USP37: variants seen among roughly 807,000 people sequenced by gnomAD.
USP37 encodes the protein ubiquitin carboxyl-terminal hydrolase 37.
A neutral mutation model predicts 124.0 loss-of-function variants in USP37; 27 were observed. The ratio of observed to expected loss-of-function variants is 0.22; its 90% CI spans 0.16 to 0.30. The LOEUF is 0.30. Among genes scored for constraint, USP37 ranks in the 10% least tolerant of loss-of-function variants. The pLI is 1.00. For missense variants in USP37, 889 were observed against 1,140.4 expected, an observed-to-expected ratio of 0.78 and a Z score of 3.17; for synonymous variants, 365 against 388.0, an observed-to-expected ratio of 0.94 and a Z score of 0.70.
rs1047149641 is a variant in USP37, at chr2:218,454,885, A to T, written c.*45T>A. On this transcript the variant is annotated 3_prime_UTR_variant, in exon 26 of 26. Transcript: ENST00000258399. ...GCAGAGGAAAGGTGAGGTGGGCAGC[A>T]GTAACAAATATGCAGTGCATGCTGC... 2 of 1,599,260 alleles carry T rather than the reference A, an allele frequency of 1.3e-6. No homozygotes were observed. The highest frequency in any genetic ancestry group is 1.7e-6 in the Non-Finnish European group (2 of 1,174,002).
chr2:218,551,993 C>T (rs1208283978), intron 5 of USP37, among the ~76,000 whole-genome samples: 14 of 152,054 alleles, frequency 9.2e-5, no homozygotes, highest in Non-Finnish European at 1.8e-4. Flanking sequence ...GGGGTTTCAC[C>T]GTGTTAGCCA....
In USP37 at chr2:218,474,828, C is replaced by G; in HGVS notation, c.2101G>C (p.Asp701His). The stretch of plus-strand genomic sequence containing the variant: ...AGAAGCTCTTCTTCGCTCATTCTGT[C>G]AAATCCTGAGTTTTCCAATTCAGAC... ...DKSELENSGF[D>H]RMSEEELLAA... Residue 701 changes from aspartate (D) to histidine (H), a missense_variant, in exon 20 of 26, where the codon GAC becomes CAC. Physicochemically the swap from Asp to His is moderately conservative, Grantham distance 81 (BLOSUM62 -1). This residue lies in a region of USP37 where 504 missense variants were observed against 714.3 expected (regional missense o/e 0.71). Transcript: ENST00000258399. 6.2e-7 allele frequency: 1 copy of G among 1,614,070 alleles called. No homozygotes were observed. The highest frequency in any genetic ancestry group is 8.5e-7 in the Non-Finnish European group (1 of 1,180,024).
At chr2:218,495,031 G>T (rs1311246843) in intron 14 of USP37, among the ~76,000 whole-genome samples, 1 of 151,830 alleles carries the variant, frequency 6.6e-6, no homozygotes, top group African/African-American at 2.4e-5. Flanking sequence ...CAATGGAAAA[G>T]ATGTAGAATG....
intron 8 of USP37, among the ~76,000 whole-genome samples, chr2:218,535,504 G>A (rs946323188): frequency 1.3e-5 from 2 of 151,930 alleles, no homozygotes; most frequent in Admixed American, 6.6e-5. Flanking sequence ...CTGAGGTTGG[G>A]AGTTCGAGAC....
chr2:218,495,598 A>G (rs1689041638), intron 14 of USP37, among the ~76,000 whole-genome samples, 162 bp downstream of exon 14: 1 of 152,176 alleles, frequency 6.6e-6, no homozygotes, highest in Non-Finnish European at 1.5e-5. Context: ...CCAGGCTGCA[A>G]TAAGCTGGGG....
Position 218,553,693 on chromosome 2 carries a change from C to G in USP37, c.188G>C (p.Arg63Pro). 1.2e-6 allele frequency: 2 copies of G among 1,610,644 alleles called. No homozygotes were observed. The highest frequency in any genetic ancestry group is 1.7e-6 in the Non-Finnish European group (2 of 1,178,292). ...LSHNIKNVVL[R>P]PSGAKQSRLM... ...GCGGCTTTGTTTCGCTCCACTGGGT[C>G]GAAGCACCACATTTTTAATGTTATG... Residue 63 changes from arginine to proline, a missense_variant, in exon 5 of 26, where the codon CGA (arginine) becomes CCA (proline). Coordinates refer to ENST00000258399, the MANE Select transcript of USP37 (RefSeq NM_020935.3).
At chr2:218,523,729 A>G (rs1275717508) in intron 10 of USP37, among the ~76,000 whole-genome samples, 1 of 152,054 alleles carries the variant, frequency 6.6e-6, no homozygotes, top group Non-Finnish European at 1.5e-5. Flanking sequence ...AGAGCACTTT[A>G]ATTTGTTTTA....
chr2:218,525,894 G>A (rs1027741531), intron 10 of USP37, among the ~76,000 whole-genome samples: 3 of 152,044 alleles, frequency 2.0e-5, no homozygotes, highest in Admixed American at 6.6e-5. Context: ...ATATGTCCAC[G>A]TGTTCTCATC....
chr2:218,484,643 ACAAC>A (rs753252841), intron 16 of USP37, among the ~76,000 whole-genome samples: 29 of 149,568 alleles, frequency 1.9e-4, no homozygotes, highest in African/African-American at 7.1e-4. Context: ...AACAACAACA[ACAAC>A]AAACAACCAA....
intron 9 of USP37, among the ~76,000 whole-genome samples, chr2:218,530,444 G>C (rs767546752): frequency 3.3e-5 from 5 of 152,120 alleles, no homozygotes; most frequent in African/African-American, 9.7e-5. Flanking sequence ...ACCACGAACT[G>C]CACCCATATA....
chr2:218,549,545 A>G (rs1384715127), intron 6 of USP37, among the ~76,000 whole-genome samples: 1 of 149,710 alleles, frequency 6.7e-6, no homozygotes, highest in Non-Finnish European at 1.5e-5. Flanking sequence ...GCTCACTACA[A>G]CCTCCACCTC....
chr2:218,539,187 G>C (rs1051281815), intron 8 of USP37, among the ~76,000 whole-genome samples: 1 of 151,890 alleles, frequency 6.6e-6, no homozygotes, highest in Non-Finnish European at 1.5e-5. Flanking sequence ...TTGAACTCCA[G>C]GACTCAAGCC....
intron 4 of USP37, among the ~76,000 whole-genome samples, chr2:218,554,045 T>C (rs1692806974): frequency 6.6e-6 from 1 of 152,202 alleles, no homozygotes; most frequent in Non-Finnish European, 1.5e-5. Flanking sequence ...TGGTACTAAA[T>C]GGCAAACAAC....
rs914794757 is a variant in USP37, at chr2:218,450,948, G to C, written c.*3982C>G. ...TGTGTAAGTATGATACAATGAATGA[G>C]ACTGCCTGAAGTCTAGTAATCAAAG... On this transcript the variant is annotated 3_prime_UTR_variant, in exon 26 of 26. Transcript: ENST00000258399. 6.6e-6 allele frequency: 1 copy of C among 152,164 alleles called. No homozygotes were observed. Among genetic ancestry groups the C allele is most frequent in the African/African-American group, 2.4e-5 (1 of 41,414 alleles). 9.4% of individuals were successfully genotyped at this position (152,164 alleles called of 1,614,324 possible). A position where few individuals can be genotyped will look rare whatever the true frequency, so the allele number is the denominator to read the frequency against.
intron 16 of USP37, among the ~76,000 whole-genome samples, chr2:218,485,050 C>A (rs1691478972): frequency 6.6e-6 from 1 of 152,130 alleles, no homozygotes; most frequent in African/African-American, 2.4e-5. Flanking sequence ...CAAAAAATTA[C>A]TCCCTGTTTT....
intron 1 of USP37, among the ~76,000 whole-genome samples, chr2:218,565,407 G>C (rs1693540429): frequency 6.6e-6 from 1 of 152,174 alleles, no homozygotes; most frequent in African/African-American, 2.4e-5. Context: ...ATGGACAAAG[G>C]AGAAAAAATT....
intron 17 of USP37, among the ~76,000 whole-genome samples, chr2:218,481,667 T>C (rs1691274450): frequency 1.4e-5 from 2 of 146,420 alleles, no homozygotes; most frequent in South Asian, 4.3e-4. Flanking sequence ...TGGTCTGATT[T>C]CTTTTCTTTT....
chr2:218,557,601 C>A (rs184476937), intron 4 of USP37, among the ~76,000 whole-genome samples: 3 of 86,436 alleles, frequency 3.5e-5, no homozygotes, highest in Non-Finnish European at 4.6e-5. Flanking sequence ...TATTTTAGAA[C>A]GGATATTACA....
chr2:218,566,139 G>A (rs1693582935), intron 1 of USP37, among the ~76,000 whole-genome samples: 1 of 152,172 alleles, frequency 6.6e-6, no homozygotes, highest in South Asian at 2.1e-4. Flanking sequence ...AAGACTTGGG[G>A]TAGAGGATAA....
Sources: gnomAD v4.1 joint callset for allele counts (sites outside exome capture counted in the v4.1 genomes callset) on GRCh38, gnomAD v4.1.1 for gene constraint, gnomAD v4.1.1 regional missense constraint, MANE v1.5 for transcripts, NCBI Gene and HGNC (gene_info 2026-07-23, HGNC 2026-07-21) for gene names.